The following CSPG5 variants were observed in gnomAD, a reference collection of about 807,000 sequenced individuals.
CSPG5 encodes chondroitin sulfate proteoglycan 5, also known as acidic leucine-rich EGF-like domain-containing brain protein.
CSPG5 carries 25 observed loss-of-function variants against 39.8 expected under a neutral mutation model. The ratio of observed to expected loss-of-function variants is 0.63; its 90% CI spans 0.46 to 0.88. CSPG5 has a LOEUF of 0.88. CSPG5 is among the 40% of genes least tolerant of loss of function. The probability of loss-of-function intolerance (pLI) is 0.00; values close to 1 mark genes in which losing one functional copy is unlikely to be tolerated. For synonymous variants in CSPG5, 295 were observed against 303.9 expected, an observed-to-expected ratio of 0.97 and a Z score of 0.31; for missense variants, 627 against 702.2, an observed-to-expected ratio of 0.89 and a Z score of 1.21.
rs897953486 is a variant in CSPG5, at chr3:47,573,075, G to A, written c.1194-201C>T. Among the ~76,000 whole-genome samples the A allele has an allele frequency of 6.6e-5, 10 of 152,200 alleles. No homozygotes were observed. The East Asian group carries it at 1.7e-3, about 26-fold the overall frequency. On this transcript the variant is annotated intron_variant, in intron 2 of 4. Transcript: ENST00000264723. Reference sequence around the variant, plus strand: ...TACAACCATTCTATGAAGTGGGCCAGGGAGCTCTGAGGTCTGTGATATAAA... The same window carrying A: ...TACAACCATTCTATGAAGTGGGCCAAGGAGCTCTGAGGTCTGTGATATAAA...
upstream of CSPG5, chr3:47,579,808 C>T (rs552691278): frequency 1.3e-5 from 2 of 152,478 alleles, no homozygotes; most frequent in African/African-American, 4.8e-5. This position sits in a 1 kb window ranked among gnomAD's most constrained non-coding sequence, Gnocchi z 4.2. Context: ...AGGAGGTCTG[C>T]TTAGTCGGCA....
Position 47,572,808 on chromosome 3 carries a change from C to G in CSPG5, c.1260G>C (p.Gln420His). Reference sequence around the variant, plus strand: ...CCGAGCCCACGGCCACGCACATCACCTGGAAGTCGGTGATGATGGACTCGC... The same window carrying G: ...CCGAGCCCACGGCCACGCACATCACGTGGAAGTCGGTGATGATGGACTCGC... ...MRCESIITDF[Q>H]VMCVAVGSAA... Residue 420 changes from glutamine to histidine, a missense_variant, in exon 3 of 5, where the codon CAG becomes CAC. Transcript: ENST00000264723. The surrounding 1 kb of genome is among the most constrained non-coding windows in gnomAD (Gnocchi z 4.5). The G allele has an allele frequency of 6.2e-7, 1 of 1,614,164 alleles. No individual in the cohort carries two copies. The highest frequency in any genetic ancestry group is 8.5e-7 in the Non-Finnish European group (1 of 1,179,998).
intron 2 of CSPG5, among the ~76,000 whole-genome samples, chr3:47,575,929 CTTTTTTTT>C (rs370578310): frequency 1.6e-4 from 16 of 99,650 alleles, no homozygotes; most frequent in South Asian, 7.3e-4. Context: ...TTCATTTTGC[CTTTTTTTT>C]TTTTTTTTTT....
At position 47,577,279 on chromosome 3, in the gene CSPG5, G is replaced by A. The variant is rs774986935; in HGVS notation, c.747C>T (p.Ser249=). 7 of 1,613,386 alleles carry A rather than the reference G, an allele frequency of 4.3e-6. No homozygotes were observed. The highest frequency in any genetic ancestry group is 5.9e-6 in the Non-Finnish European group (7 of 1,179,696). The part of the protein sequence containing the change: ...PDTEGETPSW[S]LLDLYDDFTP... ...TGAAATCATCGTATAAGTCAAGCAG[G>A]CTCCAGGAAGGGGTCTCTCCCTCAG... is the stretch of plus-strand genomic sequence containing the variant. The change falls in exon 2 of 5, where the codon AGC becomes AGT. Residue 249 remains serine (S), a synonymous_variant. Coordinates refer to ENST00000264723, the MANE Select transcript of CSPG5 (RefSeq NM_006574.4). This position sits in a 1 kb window ranked among gnomAD's most constrained non-coding sequence, Gnocchi z 4.7.
Position 47,577,458 on chromosome 3 carries a change from C to T in CSPG5, c.568G>A (p.Glu190Lys), listed in dbSNP as rs1157937278. ...GTGCCCTGAAATGGGTAAGTCAGCT[C>T]TGGCCCTTGAGGGTCGGGTGTGCTG... ...GGSTPDPQGPELTYPFQGTLE... is the reference protein window; with the variant it reads ...GGSTPDPQGPKLTYPFQGTLE... The change falls in exon 2 of 5, where the codon GAG (glutamate) becomes AAG (lysine). Residue 190 changes from glutamate (E) to lysine (K), a missense_variant. By Grantham distance (56) the Glu-to-Lys change is moderately conservative (BLOSUM62 1). Transcript: ENST00000264723. The surrounding 1 kb of genome is among the most constrained non-coding windows in gnomAD (Gnocchi z 4.7). 2.5e-6 allele frequency: 4 copies of T among 1,614,086 alleles called. No individual in the cohort carries two copies. The highest frequency in any genetic ancestry group is 3.4e-6 in the Non-Finnish European group (4 of 1,180,016).
chr3:47,563,554 T>C (rs545909941), intron 4 of CSPG5, among the ~76,000 whole-genome samples: 1 of 152,296 alleles, frequency 6.6e-6, no homozygotes, highest in South Asian at 2.1e-4. Flanking sequence ...TTTATTGATG[T>C]ATTTATTTAT....
rs2031450247 is a variant in CSPG5, at chr3:47,569,598, C to T, written c.1383-371G>A. Among the ~76,000 whole-genome samples, 4 of 148,866 alleles carry T rather than the reference C, an allele frequency of 2.7e-5. No homozygotes were observed. The South Asian group carries it at 8.5e-4, about 32-fold the overall frequency. On this transcript the variant is annotated intron_variant, in intron 3 of 4. Coordinates refer to ENST00000264723, the MANE Select transcript of CSPG5 (RefSeq NM_006574.4). ...CAGCCTGGCTGACAGAGCGAGACTC[C>T]ATCTCAAAAAAAAAAAAATTACAAA...
Position 47,577,689 on chromosome 3 carries a change from C to A in CSPG5, c.337G>T (p.Ala113Ser). 5.0e-6 allele frequency: 8 copies of A among 1,592,092 alleles called. No homozygotes were observed. The highest frequency in any genetic ancestry group is 6.0e-6 in the Non-Finnish European group (7 of 1,172,384). The change falls in exon 2 of 5, where the codon GCA becomes TCA. Residue 113 changes from alanine (A) to serine (S), a missense_variant. Transcript: ENST00000264723. This position sits in a 1 kb window ranked among gnomAD's most constrained non-coding sequence, Gnocchi z 4.7. ...TGGGCATCGCCGCTGCCCGCCTCTG[C>A]GGTCACTCCTCCCAGGCCTGGGCTG... The part of the protein sequence containing the change: ...ADSPGLGGVT[A>S]EAGSGDAQAL...
In CSPG5 at chr3:47,562,623, A is replaced by C; in HGVS notation, c.1597T>G (p.Cys533Gly). 1 of 1,613,756 alleles carries C rather than the reference A, an allele frequency of 6.2e-7. No individual in the cohort carries two copies. Among genetic ancestry groups the C allele is most frequent in the Non-Finnish European group, 8.5e-7 (1 of 1,179,942 alleles). ...CTTTAGGTTAAATTATTCTGAAGACAGTTCACATCCAAGTCAGCCTGGTCA... is the reference window on the plus strand; with the variant it reads ...CTTTAGGTTAAATTATTCTGAAGACCGTTCACATCCAAGTCAGCCTGGTCA... ...KGDQADLDVN[C>G]LQNNLT Residue 533 changes from cysteine (C) to glycine (G), a missense_variant, in exon 5 of 5, where the codon TGT becomes GGT. Physicochemically the swap from Cys to Gly is radical, Grantham distance 159 (BLOSUM62 -3). Transcript: ENST00000264723.
chr3:47,576,697 A>T (rs1456046904), intron 2 of CSPG5, 136 bp downstream of exon 2: 108 of 972,862 alleles, frequency 1.1e-4, no homozygotes, highest in Admixed American at 1.5e-4. Context: ...TGACCTTAGG[A>T]GATCCGCCTG....
Position 47,562,891 on chromosome 3 carries a change from T to C in CSPG5, c.1459-130A>G. 3.0e-6 allele frequency: 3 copies of C among 988,260 alleles called. No individual in the cohort carries two copies. The Admixed American group carries it at 9.5e-5, about 31-fold the overall frequency. 61.2% of individuals were successfully genotyped at this position (988,260 alleles called of 1,614,324 possible). ...AAAAAGCTCCAAGACTTGAATGAAC[T>C]AAAAGGAACCAAAGTAACTCATTAG... is the stretch of plus-strand genomic sequence containing the variant. On this transcript the variant is annotated intron_variant, in intron 4 of 4. Transcript: ENST00000264723.
chr3:47,566,275 G>A (rs1576368353), intron 4 of CSPG5, among the ~76,000 whole-genome samples: 1 of 151,352 alleles, frequency 6.6e-6, no homozygotes, highest in East Asian at 2.0e-4. Flanking sequence ...TGGGGGTGGG[G>A]AGAGAGGGGT....
At chr3:47,567,365 G>A (rs1329804849) in intron 4 of CSPG5, among the ~76,000 whole-genome samples, 2 of 152,130 alleles carry the variant, frequency 1.3e-5, no homozygotes, top group African/African-American at 4.8e-5. Context: ...TTACTGCAGA[G>A]GGCGGGATAA....
At position 47,572,190 on chromosome 3, in the gene CSPG5, AAAT is replaced by A. The variant is rs1430342046; in HGVS notation, c.1382+493_1382+495del. ...TCAAAAAGCAATGCAGTGTGGTGCT[AAAT>A]AAACCCTTTCTCCTCAGTGTTCACC... On this transcript the variant is annotated intron_variant, in intron 3 of 4. Transcript: ENST00000264723. This position sits in a 1 kb window ranked among gnomAD's most constrained non-coding sequence, Gnocchi z 4.5. 2.6e-5 allele frequency among the ~76,000 whole-genome samples: 4 copies of A among 152,324 alleles called. No homozygotes were observed. Among genetic ancestry groups the A allele is most frequent in the African/African-American group, 9.6e-5 (4 of 41,568 alleles).
chr3:47,572,612 T>G lies in CSPG5; in HGVS notation c.1382+74A>C. On this transcript the variant is annotated intron_variant, in intron 3 of 4. Coordinates refer to ENST00000264723, the MANE Select transcript of CSPG5 (RefSeq NM_006574.4). This position sits in a 1 kb window ranked among gnomAD's most constrained non-coding sequence, Gnocchi z 4.5. ...CCTCACGACAAAGTCCCTGGATCAG[T>G]TGGAGGGGTGCAGCAGCGTCGGGGG... 1 of 1,287,306 alleles carries G rather than the reference T, an allele frequency of 7.8e-7. No individual in the cohort carries two copies. Among genetic ancestry groups the G allele is most frequent in the Non-Finnish European group, 1.1e-6 (1 of 899,628 alleles). 79.7% of individuals were successfully genotyped at this position (1,287,306 alleles called of 1,614,324 possible).
chr3:47,565,368 G>C (rs903321534), intron 4 of CSPG5, among the ~76,000 whole-genome samples: 3 of 152,208 alleles, frequency 2.0e-5, no homozygotes, highest in African/African-American at 7.2e-5. Context: ...TCCTAACTCA[G>C]GTGTTTGCTC....
At chr3:47,569,122 G>T (rs1055961393) in intron 4 of CSPG5, 30 bp downstream of exon 4, 2 of 1,597,456 alleles carry the variant, frequency 1.3e-6, no homozygotes, top group Admixed American at 3.5e-5. Context: ...GGGGGGAGGA[G>T]GTACGGGGAG....
chr3:47,568,344 C>G (rs1047201900), intron 4 of CSPG5, among the ~76,000 whole-genome samples: 1 of 152,198 alleles, frequency 6.6e-6, no homozygotes, highest in Non-Finnish European at 1.5e-5. Context: ...ACTGGTCAGT[C>G]TAATCCAGGC....
In CSPG5 at chr3:47,577,349, C is replaced by T; in HGVS notation, c.677G>A (p.Gly226Glu). 6.2e-7 allele frequency: 1 copy of T among 1,614,070 alleles called. No individual in the cohort carries two copies. The highest frequency in any genetic ancestry group is 2.2e-5 in the East Asian group (1 of 44,866). ...LDGEGRGADL[G>E]SFPGSPGTSE... ...GGTTCCTGGTGACCCTGGGAAGCTC[C>T]CCAGATCTGCGCCACGACCCTCACC... Residue 226 changes from glycine (G) to glutamate (E), a missense_variant, in exon 2 of 5, where the codon GGG (glycine) becomes GAG (glutamate). Transcript: ENST00000264723. The surrounding 1 kb of genome is among the most constrained non-coding windows in gnomAD (Gnocchi z 4.7).
Sources: allele counts gnomAD v4.1 joint callset (sites outside exome capture counted in the v4.1 genomes callset), GRCh38; gene constraint gnomAD v4.1.1; non-coding constraint Gnocchi (gnomAD v3.1); transcripts MANE v1.5; gene names NCBI Gene and HGNC (gene_info 2026-07-23, HGNC 2026-07-21).